Variants in GYG1 observed in about 807,000 individuals in gnomAD.
The protein encoded by GYG1 is glycogenin 1, also known as glycogenin-1.
In GYG1, 44 loss-of-function variants were observed where a neutral mutation model predicts 41.9. The observed-to-expected ratio is 1.05, with a 90% CI of 0.83 to 1.35. The LOEUF (loss-of-function observed/expected upper bound fraction) is 1.35. Ranked by LOEUF, GYG1 falls within the 40% of genes most tolerant of loss-of-function variation. GYG1 has a pLI of 0.00. For missense variants in GYG1, 429 were observed against 418.9 expected (o/e 1.02, Z -0.21); for synonymous variants, 141 against 158.1 (o/e 0.89, Z 0.81).
chr3:149,019,915 G>A lies in GYG1; in HGVS notation c.609-4138G>A, dbSNP rs3772566. Among the ~76,000 whole-genome samples, 375 of 152,338 alleles carry A rather than the reference G, an allele frequency of 2.5e-3. 8 individuals carry two copies. The East Asian group carries it at 0.057, about 23-fold the overall frequency. On this transcript the variant is annotated intron_variant, in intron 5 of 7. Transcript: ENST00000345003. ...GCGGTCCAGAGCCATGCTGGGATAC[G>A]GACAGAGCCAGAGGCTCAGGTGTAT... is the stretch of plus-strand genomic sequence containing the variant.
intron 5 of GYG1, among the ~76,000 whole-genome samples, chr3:149,018,573 C>T (rs1714194784): frequency 6.6e-6 from 1 of 152,072 alleles, no homozygotes; most frequent in Non-Finnish European, 1.5e-5. Context: ...CATTTTTCCC[C>T]CACTTAACAG....
rs1327646165 is a variant in GYG1, at chr3:149,029,019, T to C, written c.*2086T>C. On this transcript the variant is annotated 3_prime_UTR_variant, in exon 8 of 8. Coordinates refer to ENST00000345003, the MANE Select transcript of GYG1 (RefSeq NM_004130.4). The stretch of plus-strand genomic sequence containing the variant: ...GGCGTGAGCCACTGCACCCAGCAAA[T>C]TTTTAAATTTCAAATAAGTAGTGAA... Among the ~76,000 whole-genome samples, 2 of 152,184 alleles carry C rather than the reference T, an allele frequency of 1.3e-5. No homozygotes were observed. Among genetic ancestry groups the C allele is most frequent in the African/African-American group, 2.4e-5 (1 of 41,444 alleles).
In GYG1 at chr3:149,031,186, C is replaced by T. The variant is rs1409042977; in HGVS notation, c.*4253C>T. The T allele has an allele frequency of 6.6e-6, 1 of 152,370 alleles. No individual in the cohort carries two copies. Among genetic ancestry groups the T allele is most frequent in the South Asian group, 2.1e-4 (1 of 4,824 alleles). The allele number at this position is 152,370 out of a possible 1,614,324, so 9.4% of individuals were successfully genotyped here. On this transcript the variant is annotated 3_prime_UTR_variant, in exon 8 of 8. Transcript: ENST00000345003. ...AAAAAAAAGAAAAGAAAAAAGATGA[C>T]TAATTCTACAGATAGCTGTAAGGAT...
At position 148,994,163 on chromosome 3, in the gene GYG1, C is replaced by G. The variant is rs776360129; in HGVS notation, c.29C>G (p.Thr10Ser). The G allele has an allele frequency of 1.9e-6, 3 of 1,613,180 alleles. No individual in the cohort carries two copies. The Admixed American group carries it at 5.0e-5, about 27-fold the overall frequency. Residue 10 changes from threonine to serine, a missense_variant, in exon 2 of 8, where the codon ACC (threonine) becomes AGC (serine). Coordinates refer to ENST00000345003, the MANE Select transcript of GYG1 (RefSeq NM_004130.4). MTDQAFVTL[T>S]TNDAYAKGAL... is the part of the protein sequence containing the mutation. ...TAAGATCAGGCCTTTGTGACACTAA[C>G]CACAAACGATGCCTACGCCAAAGGT...
chr3:148,996,322 T>C lies in GYG1; in HGVS notation c.164T>C (p.Phe55Ser). The C allele has an allele frequency of 6.2e-7, 1 of 1,611,470 alleles. No homozygotes were observed. ...GACAGAAAAGTTTTAGAGACAGTCT[T>C]TGATGAAGTCATCATGGTAGATGTC... ...DSMRKVLETV[F>S]DEVIMVDVLD... The change falls in exon 3 of 8, where the codon TTT becomes TCT. Residue 55 changes from phenylalanine to serine, a missense_variant. By Grantham distance (155) the Phe-to-Ser change is radical (BLOSUM62 -2). Transcript: ENST00000345003.
At chr3:149,017,113 C>T (rs1714092966) in intron 5 of GYG1, among the ~76,000 whole-genome samples, 1 of 152,206 alleles carries the variant, frequency 6.6e-6, no homozygotes, top group Non-Finnish European at 1.5e-5. Context: ...GTCTCATCCA[C>T]ATGTTACTGG....
chr3:149,016,610 G>A (rs1046524327), intron 5 of GYG1, among the ~76,000 whole-genome samples: 8 of 152,162 alleles, frequency 5.3e-5, no homozygotes, highest in African/African-American at 1.9e-4. Flanking sequence ...GGATTAGTTT[G>A]CAAGGCAAAG....
At position 149,030,449 on chromosome 3, in the gene GYG1, G is replaced by T. The variant is rs1714907817; in HGVS notation, c.*3516G>T. The T allele has an allele frequency of 6.6e-6, 1 of 150,960 alleles. No homozygotes were observed. Among genetic ancestry groups the T allele is most frequent in the African/African-American group, 2.4e-5 (1 of 41,424 alleles). 9.4% of individuals were successfully genotyped at this position (150,960 alleles called of 1,614,324 possible). ...ATGAGTGTGTTTTAAAAACAACTTT[G>T]TAAATGTCTGGGCAAAGAAGCAAGC... On this transcript the variant is annotated 3_prime_UTR_variant, in exon 8 of 8. Transcript: ENST00000345003.
At chr3:148,994,386 G>T in intron 2 of GYG1, 109 bp downstream of exon 2, 1 of 1,207,656 alleles carries the variant, frequency 8.3e-7, no homozygotes, top group East Asian at 2.3e-5. Context: ...TTGAGCACCG[G>T]GTAGAGAAAA....
rs1714841808 is a variant in GYG1, at chr3:149,029,567, G to A, written c.*2634G>A. Among the ~76,000 whole-genome samples, 1 of 152,206 alleles carries A rather than the reference G, an allele frequency of 6.6e-6. No homozygotes were observed. Among genetic ancestry groups the A allele is most frequent in the Non-Finnish European group, 1.5e-5 (1 of 68,018 alleles). ...GTTAAAAACTTGAGGTTAAACATTT[G>A]AGTTTTTGTTAAGAGCCAAACATCA... On this transcript the variant is annotated 3_prime_UTR_variant, in exon 8 of 8. Coordinates refer to ENST00000345003, the MANE Select transcript of GYG1 (RefSeq NM_004130.4).
rs141510916 is a variant in GYG1 at position 149,000,235 on chromosome 3, T to C, written c.481+3331T>C. 4.0e-3 allele frequency among the ~76,000 whole-genome samples: 604 copies of C among 152,374 alleles called. 1 individual carries two copies. Among genetic ancestry groups the C allele is most frequent in the African/African-American group, 0.013 (558 of 41,582 alleles). On this transcript the variant is annotated intron_variant, in intron 4 of 7. Coordinates refer to ENST00000345003, the MANE Select transcript of GYG1 (RefSeq NM_004130.4). ...AATGTTAGATTTTAGAACTGGTGAC[T>C]ACATAACCGAATTCATGGCTGGTGT...
intron 4 of GYG1, chr3:149,003,847 G>A (rs184521218): frequency 1.3e-5 from 2 of 152,306 alleles, no homozygotes; most frequent in East Asian, 3.9e-4. Context: ...ATCCACAGTA[G>A]ACAAGCCAGC....
chr3:149,025,459 T>G (rs1175845048), intron 6 of GYG1, among the ~76,000 whole-genome samples: 1 of 152,222 alleles, frequency 6.6e-6, no homozygotes, highest in African/African-American at 2.4e-5. Context: ...GGACTACTGC[T>G]GGTCCGTGGC....
intron 5 of GYG1, 83 bp downstream of exon 5, chr3:149,009,485 A>C: frequency 7.7e-7 from 1 of 1,300,602 alleles, no homozygotes; most frequent in Non-Finnish European, 1.1e-6. Flanking sequence ...CTTCATTGTC[A>C]TTCCGAGGGA....
intron 5 of GYG1, among the ~76,000 whole-genome samples, chr3:149,017,770 GTT>G (rs559013912): frequency 3.8e-5 from 5 of 132,076 alleles, no homozygotes; most frequent in Admixed American, 7.7e-5. Flanking sequence ...TGCCCAGCTA[GTT>G]TTTTTTTTTT....
At chr3:148,997,522 T>C (rs774705314) in intron 4 of GYG1, among the ~76,000 whole-genome samples, 4 of 152,222 alleles carry the variant, frequency 2.6e-5, no homozygotes, top group Non-Finnish European at 4.4e-5. Context: ...ATTTATATAA[T>C]GGTTCTGTCT....
intron 5 of GYG1, among the ~76,000 whole-genome samples, chr3:149,017,618 C>CA (rs1714137292): frequency 1.2e-5 from 1 of 83,512 alleles, no homozygotes; most frequent in Non-Finnish European, 2.1e-5. Flanking sequence ...TTTTTGGAGA[C>CA]ACAGTCTCGC....
At chr3:149,022,581 C>T (rs536063042) in intron 5 of GYG1, among the ~76,000 whole-genome samples, 57 of 137,238 alleles carry the variant, frequency 4.2e-4, no homozygotes, top group Non-Finnish European at 7.8e-4. Flanking sequence ...CTGCAACCTC[C>T]GACTCCCGGG....
intron 5 of GYG1, among the ~76,000 whole-genome samples, chr3:149,023,319 G>T (rs750812029): frequency 1.2e-4 from 18 of 152,236 alleles, no homozygotes; most frequent in Admixed American, 2.0e-4. Flanking sequence ...GAGGCTGGGA[G>T]TAATGTATAC....
Sources: gnomAD v4.1 joint callset for allele counts (sites outside exome capture counted in the v4.1 genomes callset) on GRCh38, gnomAD v4.1.1 for gene constraint, MANE v1.5 for transcripts, NCBI Gene and HGNC (gene_info 2026-07-23, HGNC 2026-07-21) for gene names.